Variants in PDE4B observed in about 807,000 individuals in gnomAD.
PDE4B encodes 3',5'-cyclic-AMP phosphodiesterase 4B.
A neutral mutation model predicts 82.2 loss-of-function variants in PDE4B; 20 were observed. The observed-to-expected ratio is 0.24, with a 90% CI of 0.17 to 0.35. The LOEUF (loss-of-function observed/expected upper bound fraction) is 0.35. Among genes scored for constraint, PDE4B ranks in the 10% least tolerant of loss-of-function variants. The pLI is 1.00. For synonymous variants in PDE4B, 320 were observed against 318.9 expected (o/e 1.00, Z -0.04); for missense variants, 655 against 907.2 (o/e 0.72, Z 3.57).
chr1:66,258,669 C>G lies in PDE4B; in HGVS notation c.584+806C>G, dbSNP rs538619437. Among the ~76,000 whole-genome samples, 22 of 152,292 alleles carry G rather than the reference C, an allele frequency of 1.4e-4. No individual in the cohort carries two copies. In the South Asian group the frequency reaches 2.9e-3, roughly 20 times the overall value. On this transcript the variant is annotated intron_variant, in intron 6 of 16. Transcript: ENST00000341517. Reference sequence around the variant, plus strand: ...GTGACTTGCTAACAACCCCCTCCCCCCGCATAAGTTAGAGACACAGCAGGG... The same window carrying G: ...GTGACTTGCTAACAACCCCCTCCCCGCGCATAAGTTAGAGACACAGCAGGG...
At chr1:65,929,287 G>T (rs1241126385) in intron 3 of PDE4B, among the ~76,000 whole-genome samples, 1 of 152,172 alleles carries the variant, frequency 6.6e-6, no homozygotes, top group South Asian at 2.1e-4. Context: ...CATGGGTCGG[G>T]GAGGGGATGT....
chr1:66,075,041 A>C (rs1656346364), intron 3 of PDE4B, among the ~76,000 whole-genome samples: 1 of 152,000 alleles, frequency 6.6e-6, no homozygotes, highest in Non-Finnish European at 1.5e-5. Context: ...AGCAATTTTT[A>C]CTGAAGTGGC....
At chr1:66,156,634 A>T (rs954942153) in intron 3 of PDE4B, among the ~76,000 whole-genome samples, 10 of 151,906 alleles carry the variant, frequency 6.6e-5, no homozygotes, top group Non-Finnish European at 1.0e-4. Flanking sequence ...TTTCTTTTAC[A>T]GCAAAGCCCA....
At chr1:65,996,157 T>A (rs994028391) in intron 3 of PDE4B, among the ~76,000 whole-genome samples, 1 of 152,148 alleles carries the variant, frequency 6.6e-6, no homozygotes, top group Non-Finnish European at 1.5e-5. Flanking sequence ...GATTATCTCA[T>A]TGCTTCCTTT....
chr1:66,012,521 C>T (rs1158579875), intron 3 of PDE4B, among the ~76,000 whole-genome samples: 4 of 152,084 alleles, frequency 2.6e-5, no homozygotes, highest in Non-Finnish European at 5.9e-5. Context: ...ATAGTGTGCA[C>T]ACCATGACAA....
intron 1 of PDE4B, among the ~76,000 whole-genome samples, chr1:65,866,913 G>T (rs538797330): frequency 1.6e-4 from 24 of 152,176 alleles, no homozygotes; most frequent in African/African-American, 5.3e-4. Flanking sequence ...GTTAGAAAAC[G>T]TGAATATAAC....
chr1:66,249,917 A>G (rs1368645302), intron 4 of PDE4B, among the ~76,000 whole-genome samples: 1 of 152,198 alleles, frequency 6.6e-6, no homozygotes, highest in Non-Finnish European at 1.5e-5. Context: ...CTTTGTGTGA[A>G]TGAAAATAGC....
chr1:66,352,840 C>T (rs572436797), intron 8 of PDE4B, among the ~76,000 whole-genome samples: 2 of 152,208 alleles, frequency 1.3e-5, no homozygotes, highest in South Asian at 4.1e-4. Context: ...GACTCTAAAA[C>T]ATTCCTAAGT....
chr1:66,154,124 G>C (rs904270120), intron 3 of PDE4B, among the ~76,000 whole-genome samples: 1 of 152,116 alleles, frequency 6.6e-6, no homozygotes, highest in Non-Finnish European at 1.5e-5. Context: ...ACACAAAGGA[G>C]TTAAGAGCTC....
At chr1:66,142,719 G>C (rs763425341) in intron 3 of PDE4B, among the ~76,000 whole-genome samples, 1 of 152,140 alleles carries the variant, frequency 6.6e-6, no homozygotes, top group Non-Finnish European at 1.5e-5. Context: ...TATTCCTTTT[G>C]AAGTGCCACA....
At chr1:66,077,390 G>A (rs899642292) in intron 3 of PDE4B, among the ~76,000 whole-genome samples, 3 of 152,076 alleles carry the variant, frequency 2.0e-5, no homozygotes, top group African/African-American at 7.2e-5. Flanking sequence ...CAGTGAGGTA[G>A]GTGTAATTTT....
chr1:66,079,845 T>C (rs919404928), intron 3 of PDE4B, among the ~76,000 whole-genome samples: 62 of 152,132 alleles, frequency 4.1e-4, no homozygotes, highest in Admixed American at 4.1e-3. Context: ...AAGTAGTCTT[T>C]CCAATTATGA....
At chr1:66,210,647 AAGT>A (rs919484054) in intron 3 of PDE4B, among the ~76,000 whole-genome samples, 184 of 151,806 alleles carry the variant, frequency 1.2e-3, no homozygotes, top group African/African-American at 4.2e-3. Flanking sequence ...AAAGAAAAGA[AAGT>A]AGCTGAATCT....
chr1:65,873,805 T>C (rs1328879616), intron 1 of PDE4B, among the ~76,000 whole-genome samples: 1 of 152,202 alleles, frequency 6.6e-6, no homozygotes, highest in Non-Finnish European at 1.5e-5. Context: ...GGTAGAGATT[T>C]TTAAAACAAT....
intron 1 of PDE4B, among the ~76,000 whole-genome samples, chr1:65,842,308 T>G (rs1646216664): frequency 1.3e-5 from 2 of 152,224 alleles, no homozygotes; most frequent in Admixed American, 1.3e-4. Context: ...TATAGTGTTT[T>G]TATTCAGTAT....
intron 3 of PDE4B, among the ~76,000 whole-genome samples, chr1:66,057,386 G>A (rs1002317133): frequency 2.6e-5 from 4 of 152,172 alleles, no homozygotes; most frequent in African/African-American, 9.7e-5. Flanking sequence ...TTGGATAAGG[G>A]CCTCTTTCTT....
chr1:66,337,864 T>C (rs977772257), intron 8 of PDE4B, among the ~76,000 whole-genome samples: 2 of 152,112 alleles, frequency 1.3e-5, no homozygotes, highest in Non-Finnish European at 2.9e-5. Context: ...GACTAAATTA[T>C]GGAGGGAGCA....
At chr1:66,270,749 G>GTTA (rs943505665) in intron 7 of PDE4B, among the ~76,000 whole-genome samples, 2 of 152,052 alleles carry the variant, frequency 1.3e-5, no homozygotes, top group African/African-American at 2.4e-5. Context: ...GACCAGTCAT[G>GTTA]ATAAAGGAAA....
chr1:66,176,101 G>A (rs1192832600), intron 3 of PDE4B, among the ~76,000 whole-genome samples: 1 of 152,194 alleles, frequency 6.6e-6, no homozygotes, highest in Non-Finnish European at 1.5e-5. Flanking sequence ...ATTTCAGGAA[G>A]GGATGTTAGC....
Sources: gnomAD v4.1 joint callset for allele counts (sites outside exome capture counted in the v4.1 genomes callset) on GRCh38, gnomAD v4.1.1 for gene constraint, MANE v1.5 for transcripts, NCBI Gene and HGNC (gene_info 2026-07-23, HGNC 2026-07-21) for gene names.